Variants in CKMT2 observed in about 807,000 individuals in gnomAD.
CKMT2 encodes the protein creatine kinase, mitochondrial 2, also known as creatine kinase S-type, mitochondrial.
A neutral mutation model predicts 48.9 loss-of-function variants in CKMT2; 43 were observed. That is an observed-to-expected ratio of 0.88 (90% confidence interval 0.69 to 1.13). The LOEUF (loss-of-function observed/expected upper bound fraction) is 1.13. Among genes scored for constraint, CKMT2 ranks in the 50% most tolerant of loss-of-function variants. The probability of loss-of-function intolerance (pLI) is 0.00; values close to 1 mark genes in which losing one functional copy is unlikely to be tolerated. For missense variants in CKMT2, 472 were observed against 555.4 expected (o/e 0.85, Z 1.51); for synonymous variants, 206 against 213.0 (o/e 0.97, Z 0.29).
rs199587442 is a variant in CKMT2 at position 81,266,131 on chromosome 5, T to G, written c.1141-8T>G. 3.1e-6 allele frequency: 5 copies of G among 1,610,896 alleles called. No homozygotes were observed. The highest frequency in any genetic ancestry group is 4.2e-6 in the Non-Finnish European group (5 of 1,177,688). ...CAAATTAATCATTCATCTTCTTCAC[T>G]GTCAAAGGTTGAGCTTGTTCAGATA... is the stretch of plus-strand genomic sequence containing the variant. On this transcript the variant is annotated splice_region_variant and splice_polypyrimidine_tract_variant and intron_variant, in intron 9 of 9. Transcript: ENST00000254035.
intron 1 of CKMT2, among the ~76,000 whole-genome samples, chr5:81,250,323 C>A (rs1250099728): frequency 6.6e-6 from 1 of 152,168 alleles, no homozygotes; most frequent in Non-Finnish European, 1.5e-5. Flanking sequence ...ACACTTAGTT[C>A]TTTAAACATT....
At chr5:81,258,187 A>G (rs1002977204) in intron 7 of CKMT2, among the ~76,000 whole-genome samples, 17 of 150,154 alleles carry the variant, frequency 1.1e-4, no homozygotes, top group Admixed American at 2.0e-4. Flanking sequence ...GGCATGAGCC[A>G]CCACGCCCAG....
At chr5:81,256,368 T>C (rs1290916295) in intron 5 of CKMT2, among the ~76,000 whole-genome samples, 3 of 152,172 alleles carry the variant, frequency 2.0e-5, no homozygotes, top group African/African-American at 7.2e-5. Flanking sequence ...ACTTATTTCA[T>C]AGAGTTGTGA....
chr5:81,263,538 T>C lies in CKMT2; in HGVS notation c.1062T>C (p.Arg354=). The C allele has an allele frequency of 6.2e-7, 1 of 1,613,288 alleles. No individual in the cohort carries two copies. Among genetic ancestry groups the C allele is most frequent in the Non-Finnish European group, 8.5e-7 (1 of 1,179,486 alleles). ...TGGAAAACCTAAGACTCCAGAAGCG[T>C]GGCACAGGTGGTGTGGACACTGCCG... ...KILENLRLQK[R]GTGGVDTAAV... The change falls in exon 9 of 10, where the codon CGT becomes CGC. Residue 354 remains arginine (R), a synonymous_variant. Transcript: ENST00000254035.
intron 3 of CKMT2, among the ~76,000 whole-genome samples, chr5:81,253,401 T>C (rs28360729): frequency 1.3e-5 from 2 of 152,204 alleles, no homozygotes; most frequent in Non-Finnish European, 2.9e-5. Flanking sequence ...ACTAAGTCTC[T>C]TGGATAAATC....
chr5:81,246,674 G>A (rs529170284), intron 1 of CKMT2, among the ~76,000 whole-genome samples: 46 of 152,266 alleles, frequency 3.0e-4, no homozygotes, highest in African/African-American at 1.1e-3. Context: ...GCTTCCTGCT[G>A]GGGCTAGAAG....
At chr5:81,249,341 C>T (rs1756722699) in intron 1 of CKMT2, among the ~76,000 whole-genome samples, 1 of 152,154 alleles carries the variant, frequency 6.6e-6, no homozygotes, top group Non-Finnish European at 1.5e-5. Context: ...CCTTTGCCTC[C>T]CAGTGCTGGG....
At chr5:81,257,973 C>T in intron 7 of CKMT2, 117 bp downstream of exon 7, 1 of 984,140 alleles carries the variant, frequency 1.0e-6, no homozygotes, top group South Asian at 1.9e-5. Context: ...TTCTAGAAAT[C>T]AAAGCAACTG....
intron 4 of CKMT2, 172 bp from the exon 5 acceptor site, chr5:81,254,821 G>A (rs891312713): frequency 6.0e-5 from 38 of 637,092 alleles, no homozygotes; most frequent in East Asian, 2.5e-4. Context: ...TTTACTAGTC[G>A]AAGGTCCGTG....
chr5:81,243,778 C>T (rs966347248), intron 1 of CKMT2, among the ~76,000 whole-genome samples: 3 of 151,970 alleles, frequency 2.0e-5, no homozygotes, highest in African/African-American at 7.3e-5. Context: ...CAACCTCCGC[C>T]TCCTGGGTTC....
At position 81,256,901 on chromosome 5, in the gene CKMT2, C is replaced by A; in HGVS notation, c.670-14C>A. On this transcript the variant is annotated splice_polypyrimidine_tract_variant and intron_variant, in intron 5 of 9. Transcript: ENST00000254035. ...TCAGTCTCTCCTCTCTGCTTTATCC[C>A]TTTTGGCCTACAGGACCACTTTCTG... 1.9e-6 allele frequency: 3 copies of A among 1,604,272 alleles called. No individual in the cohort carries two copies. The highest frequency in any genetic ancestry group is 2.6e-6 in the Non-Finnish European group (3 of 1,172,020).
intron 9 of CKMT2, among the ~76,000 whole-genome samples, chr5:81,265,637 CTCATT>C (rs1294932920): frequency 6.6e-6 from 1 of 152,166 alleles, no homozygotes; most frequent in Non-Finnish European, 1.5e-5. Context: ...ATTTGCAAAA[CTCATT>C]TCATTAATAA....
intron 9 of CKMT2, 84 bp from the exon 10 acceptor site, chr5:81,266,055 A>G (rs945477400): frequency 7.7e-7 from 1 of 1,297,512 alleles, no homozygotes; most frequent in Non-Finnish European, 1.1e-6. Context: ...GCAAGTTCTC[A>G]TTTATCACAG....
chr5:81,241,441 C>T (rs1014688805), intron 1 of CKMT2, among the ~76,000 whole-genome samples: 11 of 152,130 alleles, frequency 7.2e-5, no homozygotes, highest in African/African-American at 2.4e-4. Flanking sequence ...CCTGCAAGGG[C>T]CTGGAAACCA....
At chr5:81,258,026 A>C in intron 7 of CKMT2, 170 bp downstream of exon 7, 1 of 535,072 alleles carries the variant, frequency 1.9e-6, no homozygotes, top group Non-Finnish European at 3.2e-6. Context: ...CAGCCTCTAG[A>C]GTAGCTGGGA....
At chr5:81,255,766 G>A (rs562116067) in intron 5 of CKMT2, among the ~76,000 whole-genome samples, 58 of 150,684 alleles carry the variant, frequency 3.8e-4, no homozygotes, top group Admixed American at 1.1e-3. Flanking sequence ...ACTTATTTTC[G>A]TCTTAGCACA....
Position 81,259,026 on chromosome 5 carries a change from G to T in CKMT2, c.880-94G>T, listed in dbSNP as rs185038746. 91 of 1,169,942 alleles carry T rather than the reference G, an allele frequency of 7.8e-5. No individual in the cohort carries two copies. The Admixed American group carries it at 1.9e-3, about 24-fold the overall frequency. The allele number at this position is 1,169,942 out of a possible 1,614,324, so 72.5% of individuals were successfully genotyped here. A position where few individuals can be genotyped will look rare whatever the true frequency, so the allele number is the denominator to read the frequency against. On this transcript the variant is annotated intron_variant, in intron 7 of 9. Transcript: ENST00000254035. ...TACCTTAATTTCATTCATGCCAGAG[G>T]AGGGTACACATCTCTCTCTCTGGTG... is the stretch of plus-strand genomic sequence containing the variant.
intron 5 of CKMT2, among the ~76,000 whole-genome samples, chr5:81,256,705 T>C (rs946560833): frequency 1.3e-5 from 2 of 152,250 alleles, no homozygotes; most frequent in African/African-American, 4.8e-5. Context: ...TAAAACGTCC[T>C]GATGCCCAGA....
chr5:81,244,253 T>C (rs763196239), intron 1 of CKMT2: 123 of 908,536 alleles, frequency 1.4e-4, no homozygotes, highest in South Asian at 1.5e-4. Context: ...AATCGCAAGA[T>C]ATAATTGCCT....
Sources: allele counts gnomAD v4.1 joint callset (sites outside exome capture counted in the v4.1 genomes callset), GRCh38; gene constraint gnomAD v4.1.1; transcripts MANE v1.5; gene names NCBI Gene and HGNC (gene_info 2026-07-23, HGNC 2026-07-21).